NRXN3: variants seen among roughly 807,000 people sequenced by gnomAD.
The protein encoded by NRXN3 is neurexin 3, also known as neurexin III.
In NRXN3, 32 loss-of-function variants were observed where a neutral mutation model predicts 137.6. The observed-to-expected ratio is 0.23, with a 90% CI of 0.18 to 0.31. The LOEUF is 0.31. NRXN3 is among the 10% of genes least tolerant of loss of function. The pLI, the probability that NRXN3 is intolerant of heterozygous loss-of-function variation, is 1.00. For missense variants in NRXN3, 1,574 were observed against 2,062.5 expected (o/e 0.76, Z 4.59); for synonymous variants, 798 against 784.5 (o/e 1.02, Z -0.29).
rs1346299993 is a variant in NRXN3 at position 78,924,560 on chromosome 14, C to T, written c.2276-32682C>T. ...TATTGTCAGAGTAGAAACATTATTT[C>T]TATTCTGAACATGGGCTGTGCTCAA... On this transcript the variant is annotated intron_variant, in intron 10 of 20. Coordinates refer to ENST00000335750, the MANE Select transcript of NRXN3 (RefSeq NM_001330195.2). Among the ~76,000 whole-genome samples, 8 of 152,228 alleles carry T rather than the reference C, an allele frequency of 5.3e-5. No individual in the cohort carries two copies. The South Asian group carries it at 1.2e-3, about 24-fold the overall frequency.
intron 19 of NRXN3, among the ~76,000 whole-genome samples, chr14:79,802,267 T>C (rs2099184722): frequency 6.6e-6 from 1 of 152,114 alleles, no homozygotes; most frequent in African/African-American, 2.4e-5. Flanking sequence ...CAGCTTTCAC[T>C]CAATACTAGG....
intron 15 of NRXN3, among the ~76,000 whole-genome samples, chr14:79,000,208 G>T (rs1290585245): frequency 1.3e-5 from 2 of 151,632 alleles, no homozygotes; most frequent in African/African-American, 2.4e-5. Context: ...ATCTAAAACT[G>T]CAGTTTTACT....
At chr14:79,500,031 G>A (rs982958840) in intron 16 of NRXN3, among the ~76,000 whole-genome samples, 12 of 151,152 alleles carry the variant, frequency 7.9e-5, no homozygotes, top group Non-Finnish European at 7.4e-5. Context: ...TGCAATGTAA[G>A]AAGTGTTGTG....
intron 8 of NRXN3, among the ~76,000 whole-genome samples, chr14:78,771,968 A>G (rs1371500748): frequency 6.6e-6 from 1 of 152,088 alleles, no homozygotes. Context: ...TATCTTGGAG[A>G]TGGGACCCAA....
intron 15 of NRXN3, among the ~76,000 whole-genome samples, chr14:79,202,546 C>T (rs1174514121): frequency 1.3e-5 from 2 of 152,072 alleles, no homozygotes; most frequent in African/African-American, 4.8e-5. Context: ...GACTCTTCCC[C>T]CAAAGTCCCC....
At chr14:79,037,397 G>T (rs977754277) in intron 15 of NRXN3, among the ~76,000 whole-genome samples, 1 of 152,098 alleles carries the variant, frequency 6.6e-6, no homozygotes, top group Non-Finnish European at 1.5e-5. Context: ...TTATCATGGT[G>T]TATGACAGCC....
At chr14:78,441,571 A>G (rs886822243) in intron 4 of NRXN3, among the ~76,000 whole-genome samples, 2 of 143,876 alleles carry the variant, frequency 1.4e-5, no homozygotes, top group African/African-American at 5.4e-5. Flanking sequence ...GTATCACACC[A>G]TTCATATTAT....
intron 16 of NRXN3, among the ~76,000 whole-genome samples, chr14:79,642,310 CTCT>C (rs775168178): frequency 7.4e-6 from 1 of 135,558 alleles, no homozygotes; most frequent in Admixed American, 7.8e-5. Flanking sequence ...ATCCCCACAG[CTCT>C]TCTTCTGAAA....
chr14:79,300,724 A>C (rs2084999996), intron 15 of NRXN3, among the ~76,000 whole-genome samples: 1 of 152,080 alleles, frequency 6.6e-6, no homozygotes, highest in African/African-American at 2.4e-5. Context: ...AAGTCTCAGA[A>C]TCAGGCTAGA....
intron 10 of NRXN3, among the ~76,000 whole-genome samples, chr14:78,811,477 A>C (rs1466956939): frequency 6.6e-6 from 1 of 152,204 alleles, no homozygotes; most frequent in Non-Finnish European, 1.5e-5. Flanking sequence ...ACATGACTCC[A>C]TCCTACATGC....
intron 15 of NRXN3, among the ~76,000 whole-genome samples, chr14:79,118,751 A>G (rs563496464): frequency 9.1e-6 from 1 of 110,388 alleles, no homozygotes; most frequent in South Asian, 4.0e-4. Flanking sequence ...GTGTGTATAT[A>G]ATATTGTAAA....
chr14:78,386,391 T>C (rs2089979277), intron 4 of NRXN3, among the ~76,000 whole-genome samples: 1 of 152,178 alleles, frequency 6.6e-6, no homozygotes, highest in African/African-American at 2.4e-5. Context: ...ATGGCTTTAT[T>C]GTACCCCTGT....
chr14:78,754,834 A>G (rs1296954106), intron 8 of NRXN3, among the ~76,000 whole-genome samples: 7 of 132,544 alleles, frequency 5.3e-5, no homozygotes, highest in Non-Finnish European at 7.9e-5. Flanking sequence ...TTCAGTATAC[A>G]CTTTTTTTTT....
chr14:79,392,824 G>C (rs1444453537), intron 15 of NRXN3, among the ~76,000 whole-genome samples: 1 of 151,860 alleles, frequency 6.6e-6, no homozygotes, highest in East Asian at 1.9e-4. Context: ...ACAAAAATTA[G>C]CTGGGTGTGG....
At chr14:79,540,274 A>ATATATATATTTATATAAAATATAAC (rs2097260002) in intron 16 of NRXN3, among the ~76,000 whole-genome samples, 1 of 151,924 alleles carries the variant, frequency 6.6e-6, no homozygotes, top group African/African-American at 2.4e-5. Context: ...ATGCATATAA[A>ATATATATATTTATATAAAATATAAC]TATTTTCTTA....
intron 3 of NRXN3, among the ~76,000 whole-genome samples, chr14:78,281,219 C>T (rs901189523): frequency 6.6e-6 from 1 of 152,146 alleles, no homozygotes; most frequent in Non-Finnish European, 1.5e-5. Flanking sequence ...GTGGGGGCCT[C>T]CTGCCTCTCT....
intron 16 of NRXN3, among the ~76,000 whole-genome samples, chr14:79,577,819 A>G (rs2097679524): frequency 1.3e-5 from 2 of 152,234 alleles, no homozygotes; most frequent in Non-Finnish European, 2.9e-5. Context: ...GTCCGGATCA[A>G]TACAGGATCA....
chr14:79,072,977 C>T (rs565413973), intron 15 of NRXN3, among the ~76,000 whole-genome samples: 1 of 151,882 alleles, frequency 6.6e-6, no homozygotes, highest in African/African-American at 2.4e-5. Flanking sequence ...CCTCCCCCTC[C>T]CAGGGTTCAA....
At chr14:79,746,316 A>G (rs563061274) in intron 19 of NRXN3, among the ~76,000 whole-genome samples, 1 of 152,266 alleles carries the variant, frequency 6.6e-6, no homozygotes, top group South Asian at 2.1e-4. Flanking sequence ...GTTCAATTTT[A>G]TGATGAAGCA....
Sources: allele counts gnomAD v4.1 joint callset (sites outside exome capture counted in the v4.1 genomes callset), GRCh38; gene constraint gnomAD v4.1.1; transcripts MANE v1.5; gene names NCBI Gene and HGNC (gene_info 2026-07-23, HGNC 2026-07-21).